KIAA1549L: variants seen among roughly 807,000 people sequenced by gnomAD.
The protein encoded by KIAA1549L is UPF0606 protein KIAA1549L.
Under a neutral mutation model 160.7 loss-of-function variants are expected in KIAA1549L, and 88 were observed. That is an observed-to-expected ratio of 0.55 (90% CI 0.46 to 0.65). KIAA1549L has a LOEUF of 0.65. Among genes scored for constraint, KIAA1549L ranks in the 30% least tolerant of loss-of-function variants. The pLI, the probability that KIAA1549L is intolerant of heterozygous loss-of-function variation, is 0.00. For missense variants in KIAA1549L, 2,258 were observed against 2,437.5 expected (o/e 0.93, Z 1.55); for synonymous variants, 950 against 976.7 (o/e 0.97, Z 0.51).
chr11:33,542,588 C>T lies in KIAA1549L; in HGVS notation c.1025C>T (p.Pro342Leu), dbSNP rs779100671. 10 of 1,613,768 alleles carry T rather than the reference C, an allele frequency of 6.2e-6. No homozygotes were observed. The highest frequency in any genetic ancestry group is 8.5e-6 in the Non-Finnish European group (10 of 1,179,664). The change falls in exon 2 of 21, where the codon CCT becomes CTT. Residue 342 changes from proline (P) to leucine (L), a missense_variant. This residue lies in a region of KIAA1549L where 540 missense variants were observed against 465.7 expected (regional missense o/e 1.16). Transcript: ENST00000658780. ...EGPHSAGSST[P>L]GFLSPMAELS... ...CCCCATTCAGCAGGTTCATCCACAC[C>T]TGGGTTTTTGAGCCCCATGGCAGAA...
At chr11:33,402,575 T>C (rs1850524930) in intron 1 of KIAA1549L, among the ~76,000 whole-genome samples, 1 of 152,232 alleles carries the variant, frequency 6.6e-6, no homozygotes, top group South Asian at 2.1e-4. Flanking sequence ...ATCTGTATTC[T>C]TTCCTTACAG....
chr11:33,380,937 A>G (rs888061048), intron 1 of KIAA1549L, among the ~76,000 whole-genome samples: 30 of 151,952 alleles, frequency 2.0e-4, no homozygotes, highest in African/African-American at 7.2e-4. Flanking sequence ...TCCTTTATTC[A>G]GTATGTTTTG....
chr11:33,386,854 C>T (rs894087747), intron 1 of KIAA1549L, among the ~76,000 whole-genome samples: 2 of 152,184 alleles, frequency 1.3e-5, no homozygotes, highest in African/African-American at 2.4e-5. Flanking sequence ...ATCCTGTAAT[C>T]CCAACACTTT....
chr11:33,451,895 A>G (rs1418727223), intron 1 of KIAA1549L, among the ~76,000 whole-genome samples: 6 of 152,216 alleles, frequency 3.9e-5, no homozygotes, highest in Non-Finnish European at 8.8e-5. Context: ...GCTGTCATTT[A>G]TTGAGTGCTT....
rs1327407336 is a variant in KIAA1549L, at chr11:33,664,738, C to A, written c.6160-3135C>A. 2.0e-5 allele frequency among the ~76,000 whole-genome samples: 3 copies of A among 152,216 alleles called. No individual in the cohort carries two copies. The South Asian group carries it at 6.2e-4, about 32-fold the overall frequency. On this transcript the variant is annotated intron_variant, in intron 20 of 20. Coordinates refer to ENST00000658780, the MANE Select transcript of KIAA1549L (RefSeq NM_012194.3). ...ACCAGATAGATACAGAATCTGCCGG[C>A]ACTTTGATCTCGGACTTTGCAGCCT...
intron 16 of KIAA1549L, among the ~76,000 whole-genome samples, chr11:33,643,604 T>A (rs1003510977): frequency 4.6e-5 from 7 of 152,132 alleles, no homozygotes; most frequent in Admixed American, 3.9e-4. Flanking sequence ...GGGCCTTGTG[T>A]GGCTAGCAAC....
chr11:33,406,587 C>T (rs1476857160), intron 1 of KIAA1549L, among the ~76,000 whole-genome samples: 1 of 152,224 alleles, frequency 6.6e-6, no homozygotes, highest in Non-Finnish European at 1.5e-5. Flanking sequence ...CGCAGCGGAG[C>T]AAAGCTCCCC....
intron 15 of KIAA1549L, among the ~76,000 whole-genome samples, chr11:33,617,149 A>AT (rs1276978388): frequency 6.6e-6 from 1 of 151,812 alleles, no homozygotes; most frequent in Non-Finnish European, 1.5e-5. Context: ...AAAAAAAAAA[A>AT]AGGAATGTTT....
rs1452591456 is a variant in KIAA1549L at position 33,442,037 on chromosome 11, G to A, written c.238+65148G>A. Among the ~76,000 whole-genome samples, 43 of 151,752 alleles carry A rather than the reference G, an allele frequency of 2.8e-4. 1 individual carries two copies. The highest frequency in any genetic ancestry group is 2.0e-3 in the Admixed American group (30 of 15,248). ...TGGTATTGCCTAGGTTTTCTTCTAGGGTTTTTATGGTTTTAGGTCTAACAT... is the reference window on the plus strand; with the variant it reads ...TGGTATTGCCTAGGTTTTCTTCTAGAGTTTTTATGGTTTTAGGTCTAACAT... On this transcript the variant is annotated intron_variant, in intron 1 of 20. Transcript: ENST00000658780.
At chr11:33,556,324 T>C (rs569116990) in intron 6 of KIAA1549L, among the ~76,000 whole-genome samples, 1 of 152,218 alleles carries the variant, frequency 6.6e-6, no homozygotes, top group East Asian at 1.9e-4. Context: ...CCAAAAAGAA[T>C]TAAAAGTAGG....
At chr11:33,531,538 C>G (rs1853773098) in intron 1 of KIAA1549L, among the ~76,000 whole-genome samples, 1 of 152,106 alleles carries the variant, frequency 6.6e-6, no homozygotes, top group African/African-American at 2.4e-5. Flanking sequence ...AAACCTGATT[C>G]CACAAAAGAT....
intron 1 of KIAA1549L, among the ~76,000 whole-genome samples, chr11:33,388,623 A>G (rs1850218160): frequency 6.6e-6 from 1 of 152,174 alleles, no homozygotes; most frequent in East Asian, 1.9e-4. Context: ...TTAACACTAT[A>G]TCATGACCCT....
chr11:33,506,154 G>T (rs1853081158), intron 1 of KIAA1549L, among the ~76,000 whole-genome samples: 1 of 152,122 alleles, frequency 6.6e-6, no homozygotes, highest in Non-Finnish European at 1.5e-5. Flanking sequence ...CTTACCCAAT[G>T]GTAGATACCT....
intron 20 of KIAA1549L, among the ~76,000 whole-genome samples, chr11:33,667,069 C>G (rs1429214177): frequency 6.6e-6 from 1 of 152,170 alleles, no homozygotes; most frequent in African/African-American, 2.4e-5. Flanking sequence ...TGGTGGTACC[C>G]ACCTGTAGTC....
intron 1 of KIAA1549L, among the ~76,000 whole-genome samples, chr11:33,428,419 A>G (rs974881407): frequency 6.6e-6 from 1 of 152,122 alleles, no homozygotes; most frequent in African/African-American, 2.4e-5. Flanking sequence ...CGTCATTCAC[A>G]TTAGGTATTT....
chr11:33,564,860 T>G (rs965306124), intron 8 of KIAA1549L, among the ~76,000 whole-genome samples: 6 of 152,198 alleles, frequency 3.9e-5, no homozygotes, highest in African/African-American at 7.2e-5. Context: ...CAACTGCAAA[T>G]AAAACAATTT....
intron 1 of KIAA1549L, among the ~76,000 whole-genome samples, chr11:33,452,700 C>T (rs1851746169): frequency 6.6e-6 from 1 of 152,134 alleles, no homozygotes; most frequent in South Asian, 2.1e-4. Flanking sequence ...CACTAGAAAC[C>T]TTCTAGTGAT....
intron 1 of KIAA1549L, among the ~76,000 whole-genome samples, chr11:33,442,260 G>A (rs983134744): frequency 3.3e-5 from 5 of 152,156 alleles, no homozygotes; most frequent in Admixed American, 6.5e-5. Flanking sequence ...TGAGGGCTCT[G>A]TTCTGTTCCA....
chr11:33,550,668 G>A (rs566338594), intron 4 of KIAA1549L, among the ~76,000 whole-genome samples: 4 of 152,292 alleles, frequency 2.6e-5, no homozygotes, highest in South Asian at 4.1e-4. Context: ...CATAAATGAT[G>A]AGAAATATAA....
Sources: allele counts gnomAD v4.1 joint callset (sites outside exome capture counted in the v4.1 genomes callset), GRCh38; gene constraint gnomAD v4.1.1; regional missense constraint gnomAD v4.1.1; transcripts MANE v1.5; gene names NCBI Gene and HGNC (gene_info 2026-07-23, HGNC 2026-07-21).